Variants in GABRB1 observed in about 807,000 individuals in gnomAD.
GABRB1 encodes gamma-aminobutyric acid receptor subunit beta-1.
A neutral mutation model predicts 51.6 loss-of-function variants in GABRB1; 17 were observed. The observed-to-expected ratio is 0.33, with a 90% CI of 0.23 to 0.49. GABRB1 has a LOEUF of 0.49. GABRB1 is among the 20% of genes least tolerant of loss of function. GABRB1 has a pLI of 0.99. For synonymous variants in GABRB1, 247 were observed against 218.9 expected, an observed-to-expected ratio of 1.13 and a Z score of -1.14; for missense variants, 410 against 600.6, an observed-to-expected ratio of 0.68 and a Z score of 3.32.
chr4:47,379,066 G>A (rs1035023881), intron 5 of GABRB1, among the ~76,000 whole-genome samples: 1 of 152,128 alleles, frequency 6.6e-6, no homozygotes, highest in Non-Finnish European at 1.5e-5. Context: ...GATGTGGATA[G>A]GTCAATAGAT....
chr4:47,046,591 G>A (rs1285974460), intron 3 of GABRB1, among the ~76,000 whole-genome samples: 2 of 152,064 alleles, frequency 1.3e-5, no homozygotes, highest in Non-Finnish European at 2.9e-5. Flanking sequence ...TGACCCTGAA[G>A]ATGAGATCTC....
intron 4 of GABRB1, among the ~76,000 whole-genome samples, chr4:47,263,168 A>G (rs971438864): frequency 1.1e-4 from 16 of 151,362 alleles, no homozygotes; most frequent in Non-Finnish European, 2.9e-5. Flanking sequence ...CATTGTGCAC[A>G]TGTACCCTAA....
intron 7 of GABRB1, among the ~76,000 whole-genome samples, chr4:47,404,285 G>A (rs1050120976): frequency 6.6e-6 from 1 of 152,032 alleles, no homozygotes; most frequent in African/African-American, 2.4e-5. Flanking sequence ...CCTTCTTGGG[G>A]GAACAAAATT....
intron 5 of GABRB1, among the ~76,000 whole-genome samples, chr4:47,373,877 A>C: frequency 6.6e-6 from 1 of 152,218 alleles, no homozygotes; most frequent in Admixed American, 6.5e-5. Context: ...GCTGTGAGGT[A>C]AGGTGTCAAG....
intron 4 of GABRB1, among the ~76,000 whole-genome samples, chr4:47,191,590 T>C (rs1483789047): frequency 3.3e-5 from 5 of 152,144 alleles, no homozygotes; most frequent in Non-Finnish European, 4.4e-5. Flanking sequence ...TGTTCATTAA[T>C]AAATTGTTAG....
intron 4 of GABRB1, among the ~76,000 whole-genome samples, chr4:47,230,240 G>T (rs914934018): frequency 6.6e-6 from 1 of 152,120 alleles, no homozygotes; most frequent in African/African-American, 2.4e-5. Context: ...AATGTTGCAT[G>T]ACAGGAAGGA....
chr4:47,112,527 A>G (rs991979855), intron 3 of GABRB1, among the ~76,000 whole-genome samples: 1 of 152,250 alleles, frequency 6.6e-6, no homozygotes, highest in African/African-American at 2.4e-5. Flanking sequence ...ATCTTGATCC[A>G]ACTATTTAAA....
chr4:47,226,357 C>T (rs1720943308), intron 4 of GABRB1, among the ~76,000 whole-genome samples: 1 of 152,060 alleles, frequency 6.6e-6, no homozygotes, highest in South Asian at 2.1e-4. Flanking sequence ...GTTTTAGCTA[C>T]CCATGACAAT....
intron 4 of GABRB1, among the ~76,000 whole-genome samples, 192 bp from the exon 5 acceptor site, chr4:47,319,935 T>G (rs144478831): frequency 6.6e-6 from 1 of 152,338 alleles, no homozygotes; most frequent in African/African-American, 2.4e-5. Context: ...TAGAAATTTA[T>G]CCATTTCCAC....
At chr4:47,214,755 A>T (rs1578007101) in intron 4 of GABRB1, among the ~76,000 whole-genome samples, 1 of 152,204 alleles carries the variant, frequency 6.6e-6, no homozygotes, top group South Asian at 2.1e-4. Flanking sequence ...CCCATCTCCC[A>T]CTTTTGTTTC....
intron 5 of GABRB1, among the ~76,000 whole-genome samples, chr4:47,351,199 A>G (rs137873075): frequency 3.3e-5 from 5 of 152,178 alleles, no homozygotes; most frequent in Admixed American, 6.5e-5. Flanking sequence ...CCATGGCACC[A>G]TATTGGAAAA....
intron 3 of GABRB1, among the ~76,000 whole-genome samples, chr4:47,081,263 G>A (rs1183989280): frequency 2.0e-5 from 3 of 152,092 alleles, no homozygotes; most frequent in Non-Finnish European, 2.9e-5. Flanking sequence ...TGCAAATATT[G>A]AGGCATTATT....
chr4:47,371,085 T>C (rs1164101884), intron 5 of GABRB1, among the ~76,000 whole-genome samples: 136 of 129,374 alleles, frequency 1.1e-3, no homozygotes, highest in Non-Finnish European at 1.2e-3. Context: ...ATGCTCTCCC[T>C]CCCCCACCCC....
chr4:47,073,560 T>C (rs189282804), intron 3 of GABRB1, among the ~76,000 whole-genome samples: 3 of 152,260 alleles, frequency 2.0e-5, no homozygotes, highest in Admixed American at 2.0e-4. Context: ...AAGGAACACT[T>C]CAGGATGACT....
At chr4:47,132,272 G>A (rs544117093) in intron 3 of GABRB1, among the ~76,000 whole-genome samples, 4 of 152,100 alleles carry the variant, frequency 2.6e-5, no homozygotes, top group East Asian at 1.9e-4. Context: ...TTCTATTGAT[G>A]TGAGAGATAC....
chr4:47,379,890 G>A (rs923449739), intron 5 of GABRB1, among the ~76,000 whole-genome samples: 2 of 152,112 alleles, frequency 1.3e-5, no homozygotes, highest in African/African-American at 4.8e-5. Flanking sequence ...AAATTCCTAA[G>A]CCTCAGTTCC....
intron 5 of GABRB1, among the ~76,000 whole-genome samples, chr4:47,366,929 G>A (rs779458413): frequency 6.6e-6 from 1 of 152,054 alleles, no homozygotes. Context: ...GACATTATGT[G>A]TGGCATATTA....
chr4:47,367,431 C>T (rs1460583596), intron 5 of GABRB1, among the ~76,000 whole-genome samples: 3 of 152,146 alleles, frequency 2.0e-5, no homozygotes, highest in African/African-American at 7.2e-5. Context: ...CCTCCAAAGG[C>T]GGCTCTACGG....
At chr4:47,193,377 C>A (rs1369916748) in intron 4 of GABRB1, among the ~76,000 whole-genome samples, 5 of 152,144 alleles carry the variant, frequency 3.3e-5, no homozygotes, top group Non-Finnish European at 2.9e-5. Flanking sequence ...CCTGCCTGGG[C>A]CTCCTAAAGT....
Sources: gnomAD v4.1 joint callset for allele counts (sites outside exome capture counted in the v4.1 genomes callset) on GRCh38, gnomAD v4.1.1 for gene constraint, MANE v1.5 for transcripts, NCBI Gene and HGNC (gene_info 2026-07-23, HGNC 2026-07-21) for gene names.